Variants in ANXA2R observed in about 807,000 individuals in gnomAD.
ANXA2R encodes the protein annexin A2 receptor, also known as annexin-2 receptor.
For missense variants in ANXA2R, 244 were observed against 241.5 expected, an observed-to-expected ratio of 1.01 and a Z score of -0.07; for synonymous variants, 93 against 93.6, an observed-to-expected ratio of 0.99 and a Z score of 0.04.
chr5:43,042,442 G>GA (rs1742215083), upstream of ANXA2R: 6 of 153,090 alleles, frequency 3.9e-5, no homozygotes, highest in South Asian at 1.0e-3. The surrounding 1 kb of genome is among the most constrained non-coding windows in gnomAD (Gnocchi z 5.6). Context: ...CCGTCACCAA[G>GA]AAACCGTCGA....
Position 43,040,198 on chromosome 5 carries a change from G to T in ANXA2R, c.-152C>A. The T allele has an allele frequency of 1.6e-6, 1 of 633,356 alleles. No individual in the cohort carries two copies. The highest frequency in any genetic ancestry group is 2.7e-6 in the Non-Finnish European group (1 of 371,162). 39.2% of individuals were successfully genotyped at this position (633,356 alleles called of 1,614,324 possible). On this transcript the variant is annotated 5_prime_UTR_variant, in exon 1 of 1. Coordinates refer to ENST00000616064, the MANE Select transcript of ANXA2R (RefSeq NM_001014279.3). ...AGTAACAAATGCACGAAAATTAGTA[G>T]ACAAATGAAAAACGATAACATTTTA...
chr5:43,040,712 T>C (rs1275405962), upstream of ANXA2R: 2 of 152,230 alleles, frequency 1.3e-5, no homozygotes, highest in Non-Finnish European at 2.9e-5. Flanking sequence ...TAATATGTTT[T>C]AACCCGTTTT....
At position 43,039,908 on chromosome 5, in the gene ANXA2R, A is replaced by G; in HGVS notation, c.139T>C (p.Tyr47His). 1 of 1,614,130 alleles carries G rather than the reference A, an allele frequency of 6.2e-7. No individual in the cohort carries two copies. The highest frequency in any genetic ancestry group is 8.5e-7 in the Non-Finnish European group (1 of 1,180,040). ...CCCAAATCACAGCTGTCCAGTGAGT[A>G]CTCTCCTAGTACTGGATACAAAGGA... ...PLPLYPVLGEYSLDSCDLGLL... is the reference protein window; with the variant it reads ...PLPLYPVLGEHSLDSCDLGLL... The change falls in exon 1 of 1, where the codon TAC becomes CAC. Residue 47 changes from tyrosine (Y) to histidine (H), a missense_variant. By Grantham distance (83) the Tyr-to-His change is moderately conservative (BLOSUM62 2). Coordinates refer to ENST00000616064, the MANE Select transcript of ANXA2R (RefSeq NM_001014279.3).
At position 43,039,502 on chromosome 5, in the gene ANXA2R, G is replaced by A. The variant is rs1462028634; in HGVS notation, c.545C>T (p.Ala182Val). The A allele has an allele frequency of 6.3e-7, 1 of 1,597,974 alleles. No individual in the cohort carries two copies. The highest frequency in any genetic ancestry group is 1.3e-5 in the African/African-American group (1 of 74,612). ...VGFAAFSVLWACCSRICGAKQ... is the reference protein window; with the variant it reads ...VGFAAFSVLWVCCSRICGAKQ... Reference sequence around the variant, plus strand: ...AGCTCCACAGATCCGTGAACAGCACGCCCAGAGTACAGAGAACGCGGCAAA... The same window carrying A: ...AGCTCCACAGATCCGTGAACAGCACACCCAGAGTACAGAGAACGCGGCAAA... Residue 182 changes from alanine (A) to valine (V), a missense_variant, in exon 1 of 1, where the codon GCG (alanine) becomes GTG (valine). Transcript: ENST00000616064.
At position 43,040,119 on chromosome 5, in the gene ANXA2R, T is replaced by G. The variant is rs1742165763; in HGVS notation, c.-73A>C. 6.9e-7 allele frequency: 1 copy of G among 1,443,368 alleles called. No individual in the cohort carries two copies. Among genetic ancestry groups the G allele is most frequent in the South Asian group, 1.4e-5 (1 of 73,682 alleles). The allele number at this position is 1,443,368 out of a possible 1,614,324, so 89.4% of individuals were successfully genotyped here. A position where few individuals can be genotyped will look rare whatever the true frequency, so the allele number is the denominator to read the frequency against. ...TCTGCACTACCATCAGCCTGAGTAT[T>G]TATGCTCTGCAGAGCCCGTGGGCGG... On this transcript the variant is annotated 5_prime_UTR_variant, in exon 1 of 1. Transcript: ENST00000616064.
chr5:43,039,527 A>T lies in ANXA2R; in HGVS notation c.520T>A (p.Phe174Ile), dbSNP rs1742147538. 6.2e-7 allele frequency: 1 copy of T among 1,610,960 alleles called. No homozygotes were observed. Among genetic ancestry groups the T allele is most frequent in the African/African-American group, 1.3e-5 (1 of 75,020 alleles). The change falls in exon 1 of 1, where the codon TTT becomes ATT. Residue 174 changes from phenylalanine (F) to isoleucine (I), a missense_variant. By Grantham distance (21) the Phe-to-Ile change is conservative (BLOSUM62 0). Transcript: ENST00000616064. ...GCCCAGAGTACAGAGAACGCGGCAA[A>T]ACCAACGCGAAGAATCCACTCCAGG... ...DCLEWILRVGFAAFSVLWACC... is the reference protein window; with the variant it reads ...DCLEWILRVGIAAFSVLWACC...
chr5:43,040,091 G>C lies in ANXA2R; in HGVS notation c.-45C>G, dbSNP rs768276803. On this transcript the variant is annotated 5_prime_UTR_variant, in exon 1 of 1. Transcript: ENST00000616064. ...CGTTTGCGCTGATCAAGGAGGGAGA[G>C]TCTCTGCACTACCATCAGCCTGAGT... 7 of 1,531,644 alleles carry C rather than the reference G, an allele frequency of 4.6e-6. No homozygotes were observed. Among genetic ancestry groups the C allele is most frequent in the African/African-American group, 1.4e-5 (1 of 72,662 alleles). 94.9% of individuals were successfully genotyped at this position (1,531,644 alleles called of 1,614,324 possible).
upstream of ANXA2R, chr5:43,041,125 AT>A (rs201735306): frequency 1.1e-4 from 17 of 148,236 alleles, no homozygotes; most frequent in Non-Finnish European, 1.4e-4. Flanking sequence ...GAAAAAAAAA[AT>A]ACATAATTTA....
In ANXA2R at chr5:43,039,756, C is replaced by A; in HGVS notation, c.291G>T (p.Gln97His). 6.2e-7 allele frequency: 1 copy of A among 1,614,258 alleles called. No individual in the cohort carries two copies. The highest frequency in any genetic ancestry group is 8.5e-7 in the Non-Finnish European group (1 of 1,180,048). Residue 97 changes from glutamine to histidine, a missense_variant, in exon 1 of 1, where the codon CAG (glutamine) becomes CAT (histidine). Gln to His is a conservative substitution (Grantham distance 24). Transcript: ENST00000616064. ...KPTEFSWPGT[Q>H]KQQEAPVEEV... is the part of the protein sequence containing the mutation. ...CTTCTACGGGTGCCTCTTGCTGCTT[C>A]TGTGTCCCCGGCCAACTGAACTCAG...
rs1460283008 is a variant in ANXA2R at position 43,039,434 on chromosome 5, G to C, written c.*31C>G. ...TTTGGTAACTGAGAATCTTTTCAAGGAGGAGAATCCAAAAAGCCTTCTGCT... is the reference window on the plus strand; with the variant it reads ...TTTGGTAACTGAGAATCTTTTCAAGCAGGAGAATCCAAAAAGCCTTCTGCT... On this transcript the variant is annotated 3_prime_UTR_variant, in exon 1 of 1. Transcript: ENST00000616064. 1.1e-5 allele frequency: 16 copies of C among 1,469,854 alleles called. No individual in the cohort carries two copies. The highest frequency in any genetic ancestry group is 1.4e-5 in the Non-Finnish European group (16 of 1,104,578). The allele number at this position is 1,469,854 out of a possible 1,614,324, so 91.1% of individuals were successfully genotyped here.
chr5:43,040,287 G>T lies in ANXA2R; in HGVS notation c.-241C>A. 1 of 476,778 alleles carries T rather than the reference G, an allele frequency of 2.1e-6. No homozygotes were observed. Among genetic ancestry groups the T allele is most frequent in the Middle Eastern group, 5.6e-4 (1 of 1,790 alleles). 29.5% of individuals were successfully genotyped at this position (476,778 alleles called of 1,614,324 possible). Reference sequence around the variant, plus strand: ...GAAAAACATGGCGAGAAAAGAAACCGAAATGAAATGACACTAAGCAAATCT... The same window carrying T: ...GAAAAACATGGCGAGAAAAGAAACCTAAATGAAATGACACTAAGCAAATCT... On this transcript the variant is annotated 5_prime_UTR_variant, in exon 1 of 1. Coordinates refer to ENST00000616064, the MANE Select transcript of ANXA2R (RefSeq NM_001014279.3).
Position 43,039,533 on chromosome 5 carries a change from C to G in ANXA2R, c.514G>C (p.Val172Leu). The G allele has an allele frequency of 6.2e-7, 1 of 1,611,752 alleles. No homozygotes were observed. The highest frequency in any genetic ancestry group is 8.5e-7 in the Non-Finnish European group (1 of 1,178,636). ...FSDCLEWILR[V>L]GFAAFSVLWA... Reference sequence around the variant, plus strand: ...AGTACAGAGAACGCGGCAAAACCAACGCGAAGAATCCACTCCAGGCAGTCT... The same window carrying G: ...AGTACAGAGAACGCGGCAAAACCAAGGCGAAGAATCCACTCCAGGCAGTCT... The change falls in exon 1 of 1, where the codon GTT becomes CTT. Residue 172 changes from valine to leucine, a missense_variant. Val to Leu is a conservative substitution (Grantham distance 32). Transcript: ENST00000616064.
chr5:43,039,744 C>T lies in ANXA2R; in HGVS notation c.303G>A (p.Glu101=). ...CCTGCCCCACCTCTTCTACGGGTGC[C>T]TCTTGCTGCTTCTGTGTCCCCGGCC... ...FSWPGTQKQQ[E]APVEEVGQAE... The change falls in exon 1 of 1, where the codon GAG becomes GAA. Residue 101 remains glutamate (E), a synonymous_variant. Transcript: ENST00000616064. The T allele has an allele frequency of 6.2e-7, 1 of 1,614,236 alleles. No homozygotes were observed. The highest frequency in any genetic ancestry group is 8.5e-7 in the Non-Finnish European group (1 of 1,180,044).
chr5:43,039,459 T>C lies in ANXA2R; in HGVS notation c.*6A>G, dbSNP rs1234323915. 1 of 1,507,822 alleles carries C rather than the reference T, an allele frequency of 6.6e-7. No homozygotes were observed. Among genetic ancestry groups the C allele is most frequent in the East Asian group, 2.3e-5 (1 of 43,404 alleles). The allele number at this position is 1,507,822 out of a possible 1,614,324, so 93.4% of individuals were successfully genotyped here. ...GAGGAGAATCCAAAAAGCCTTCTGC[T>C]GCTATCTAAGGCTGCTTAGCTCCAC... On this transcript the variant is annotated 3_prime_UTR_variant, in exon 1 of 1. Transcript: ENST00000616064.
Position 43,040,244 on chromosome 5 carries a change from C to A in ANXA2R, c.-198G>T. On this transcript the variant is annotated 5_prime_UTR_variant, in exon 1 of 1. Transcript: ENST00000616064. ...TTTTAGAGAGTACATAGAACCAAAA[C>A]GAACCGTAATTCCGACAGAAAAACA... 2.0e-6 allele frequency: 1 copy of A among 498,960 alleles called. No individual in the cohort carries two copies. The highest frequency in any genetic ancestry group is 3.6e-6 in the Non-Finnish European group (1 of 277,446). The allele number at this position is 498,960 out of a possible 1,614,324, so 30.9% of individuals were successfully genotyped here.
upstream of ANXA2R, chr5:43,040,377 T>G: frequency 4.5e-6 from 1 of 222,624 alleles, no homozygotes; most frequent in African/African-American, 2.3e-5. Flanking sequence ...AACCACCCGT[T>G]TCCGGGAAAT....
At chr5:43,042,498 G>C (rs1468053345), upstream of ANXA2R, 2 of 152,844 alleles carry the variant, frequency 1.3e-5, no homozygotes, top group African/African-American at 2.4e-5. This position sits in a 1 kb window ranked among gnomAD's most constrained non-coding sequence, Gnocchi z 5.6. Context: ...ACTCCGTGCA[G>C]CAAGTGCTGT....
chr5:43,039,708 G>C lies in ANXA2R; in HGVS notation c.339C>G (p.Pro113=). ...GAAGCTGCTGGAGCCTGAGTCTGTC[G>C]GGTTCCTCTGCCTGCCCCACCTCTT... The part of the protein sequence containing the change: ...PVEEVGQAEE[P]DRLRLQQLPW... Residue 113 remains proline (P), a synonymous_variant, in exon 1 of 1, where the codon CCC becomes CCG. Transcript: ENST00000616064. The C allele has an allele frequency of 6.2e-7, 1 of 1,614,012 alleles. No individual in the cohort carries two copies. The highest frequency in any genetic ancestry group is 8.5e-7 in the Non-Finnish European group (1 of 1,179,946).
At position 43,039,399 on chromosome 5, in the gene ANXA2R, G is replaced by T; in HGVS notation, c.*66C>A. 7.6e-7 allele frequency: 1 copy of T among 1,315,380 alleles called. No homozygotes were observed. Among genetic ancestry groups the T allele is most frequent in the South Asian group, 1.8e-5 (1 of 56,788 alleles). The allele number at this position is 1,315,380 out of a possible 1,614,324, so 81.5% of individuals were successfully genotyped here. On this transcript the variant is annotated 3_prime_UTR_variant, in exon 1 of 1. Coordinates refer to ENST00000616064, the MANE Select transcript of ANXA2R (RefSeq NM_001014279.3). ...CATCTTAATGTATTTTTATTTTCTA[G>T]GTGGAGACGTTTGGTAACTGAGAAT...
Sources: allele counts gnomAD v4.1 joint callset, GRCh38; gene constraint gnomAD v4.1.1; non-coding constraint Gnocchi (gnomAD v3.1); transcripts MANE v1.5; gene names NCBI Gene and HGNC (gene_info 2026-07-23, HGNC 2026-07-21).